Variants in SLC26A7 observed in about 807,000 individuals in gnomAD.
SLC26A7 encodes the protein solute carrier family 26 member 7, also known as anion exchange transporter.
In SLC26A7, 59 loss-of-function variants were observed where a neutral mutation model predicts 82.5. That is an observed-to-expected ratio of 0.72 (90% CI 0.58 to 0.89). The LOEUF is 0.89. Among genes scored for constraint, SLC26A7 ranks in the 40% least tolerant of loss-of-function variants. The pLI, the probability that SLC26A7 is intolerant of heterozygous loss-of-function variation, is 0.00. For missense variants in SLC26A7, 820 were observed against 793.0 expected (o/e 1.03, Z -0.41); for synonymous variants, 271 against 274.3 (o/e 0.99, Z 0.12).
chr8:91,334,480 A>G lies in SLC26A7; in HGVS notation c.795+33A>G, dbSNP rs933392469. 6.3e-6 allele frequency: 10 copies of G among 1,584,936 alleles called. No individual in the cohort carries two copies. The Middle Eastern group carries it at 8.1e-4, about 129-fold the overall frequency. On this transcript the variant is annotated intron_variant, in intron 6 of 18. Coordinates refer to ENST00000276609, the MANE Select transcript of SLC26A7 (RefSeq NM_052832.4). ...TAAAATCAACATTTAGCTTTTTGCCATGCAAAGCTTTCCAGTTCTTGGGGA... is the reference window on the plus strand; with the variant it reads ...TAAAATCAACATTTAGCTTTTTGCCGTGCAAAGCTTTCCAGTTCTTGGGGA...
chr8:91,243,824 G>A (rs1810506313), intron 2 of SLC26A7, among the ~76,000 whole-genome samples: 2 of 152,056 alleles, frequency 1.3e-5, no homozygotes, highest in Admixed American at 1.3e-4. Context: ...AGTGTAAATG[G>A]TCTAAATAAA....
chr8:91,288,036 TG>T (rs1273245505), intron 2 of SLC26A7, among the ~76,000 whole-genome samples: 43 of 152,354 alleles, frequency 2.8e-4, no homozygotes, highest in African/African-American at 9.9e-4. Context: ...TAACTTTTCA[TG>T]TATTTTAAAT....
chr8:91,240,601 T>C (rs1226500860), intron 2 of SLC26A7, among the ~76,000 whole-genome samples: 1 of 152,204 alleles, frequency 6.6e-6, no homozygotes, highest in African/African-American at 2.4e-5. Flanking sequence ...TGAGTTATAC[T>C]TGGGCATTCA....
At chr8:91,331,635 A>G (rs2130826535) in intron 5 of SLC26A7, among the ~76,000 whole-genome samples, 1 of 152,274 alleles carries the variant, frequency 6.6e-6, no homozygotes, top group East Asian at 1.9e-4. Flanking sequence ...AAAATGTACA[A>G]TGTGATGTTT....
intron 14 of SLC26A7, among the ~76,000 whole-genome samples, chr8:91,367,151 G>T (rs539042965): frequency 4.4e-4 from 67 of 152,114 alleles, no homozygotes; most frequent in African/African-American, 1.5e-3. Context: ...GGGACCACAG[G>T]TACCCGCCAC....
intron 11 of SLC26A7, among the ~76,000 whole-genome samples, chr8:91,354,089 A>G (rs1385010759): frequency 1.3e-5 from 2 of 152,134 alleles, no homozygotes; most frequent in African/African-American, 4.8e-5. Flanking sequence ...ACAAAAGGCC[A>G]AAATTAACCA....
At position 91,377,981 on chromosome 8, in the gene SLC26A7, C is replaced by T. The variant is rs151125810; in HGVS notation, c.1675+8148C>T. 1.4e-3 allele frequency among the ~76,000 whole-genome samples: 206 copies of T among 152,174 alleles called. 2 individuals are homozygous for T. The highest frequency in any genetic ancestry group is 4.6e-3 in the African/African-American group (193 of 41,526). The stretch of plus-strand genomic sequence containing the variant: ...TCCTAGTTAGCCATCTTGAAAAAAA[C>T]GAATTACAAATATTTTTAGAAAGCA... On this transcript the variant is annotated intron_variant, in intron 15 of 18. Transcript: ENST00000276609.
chr8:91,279,127 A>ATATATATATATATATATATATG (rs1563656837), intron 2 of SLC26A7, among the ~76,000 whole-genome samples: 7 of 12,078 alleles, frequency 5.8e-4, no homozygotes, highest in African/African-American at 1.3e-3. Flanking sequence ...GTGTGTGTGT[A>ATATATATATATATATATATATG]TATATATATA....
intron 2 of SLC26A7, among the ~76,000 whole-genome samples, chr8:91,278,031 C>A (rs1271605894): frequency 1.3e-5 from 2 of 152,076 alleles, no homozygotes; most frequent in African/African-American, 4.8e-5. Context: ...TGGGACCATG[C>A]CCCCTGCAAA....
chr8:91,297,366 T>A (rs1326674694), intron 4 of SLC26A7, among the ~76,000 whole-genome samples: 1 of 151,924 alleles, frequency 6.6e-6, no homozygotes, highest in African/African-American at 2.4e-5. Context: ...GGATTATGAC[T>A]TAAAATGATA....
In SLC26A7 at chr8:91,353,845, TGA is replaced by T. The variant is rs1223761086; in HGVS notation, c.1314+850_1314+851del. Among the ~76,000 whole-genome samples the T allele has an allele frequency of 1.2e-4, 18 of 152,050 alleles. No individual in the cohort carries two copies. The East Asian group carries it at 3.5e-3, about 29-fold the overall frequency. On this transcript the variant is annotated intron_variant, in intron 11 of 18. Coordinates refer to ENST00000276609, the MANE Select transcript of SLC26A7 (RefSeq NM_052832.4). ...CTGGGCACCATGAGGAATGTGCAGA[TGA>T]AAAAAGAACTATCCAGTCTCTCTAG...
chr8:91,301,441 T>C (rs561476855), intron 4 of SLC26A7, among the ~76,000 whole-genome samples: 5 of 152,270 alleles, frequency 3.3e-5, no homozygotes, highest in African/African-American at 1.2e-4. Flanking sequence ...ACAACCAGAA[T>C]TGGAAATCTT....
At chr8:91,221,461 G>A (rs1810159126) in intron 2 of SLC26A7, among the ~76,000 whole-genome samples, 1 of 152,172 alleles carries the variant, frequency 6.6e-6, no homozygotes, top group Admixed American at 6.5e-5. Flanking sequence ...CCTATGTCCT[G>A]AATAGTATTG....
chr8:91,263,482 A>T (rs1811024428), intron 2 of SLC26A7, among the ~76,000 whole-genome samples: 1 of 152,104 alleles, frequency 6.6e-6, no homozygotes, highest in African/African-American at 2.4e-5. Context: ...TTCTCCCTTT[A>T]CTATGGCATT....
chr8:91,267,464 T>C (rs188309163), intron 2 of SLC26A7, among the ~76,000 whole-genome samples: 1 of 152,078 alleles, frequency 6.6e-6, no homozygotes, highest in African/African-American at 2.4e-5. Context: ...TCAGGTTTTC[T>C]ATTTCTTCAT....
chr8:91,366,782 T>C, intron 14 of SLC26A7, 65 bp downstream of exon 14: 1 of 1,520,894 alleles, frequency 6.6e-7, no homozygotes, highest in Non-Finnish European at 8.9e-7. Context: ...CAATAAAACA[T>C]GTATCAAGTA....
At chr8:91,335,056 G>A (rs779571269) in intron 6 of SLC26A7, among the ~76,000 whole-genome samples, 11 of 151,994 alleles carry the variant, frequency 7.2e-5, no homozygotes, top group Non-Finnish European at 1.6e-4. Context: ...CCTCTAATAG[G>A]AACTCTTAAC....
chr8:91,233,816 A>C lies in SLC26A7; in HGVS notation c.-34+14811A>C, dbSNP rs1043844062. Reference sequence around the variant, plus strand: ...TCCAGAAAGCCAGAATTGCTACAACAATCTTTTGAATTTCCTTGTTGCTAT... The same window carrying C: ...TCCAGAAAGCCAGAATTGCTACAACCATCTTTTGAATTTCCTTGTTGCTAT... On this transcript the variant is annotated intron_variant, in intron 2 of 5. Coordinates refer to the SLC26A7 transcript ENST00000522862. Among the ~76,000 whole-genome samples the C allele has an allele frequency of 2.0e-5, 3 of 152,148 alleles. No individual in the cohort carries two copies. The South Asian group carries it at 6.2e-4, about 32-fold the overall frequency.
intron 2 of SLC26A7, among the ~76,000 whole-genome samples, chr8:91,287,719 T>C (rs1445227245): frequency 1.3e-5 from 2 of 152,240 alleles, no homozygotes; most frequent in African/African-American, 4.8e-5. Context: ...AGTTGTTTTC[T>C]AGCTTTTCAT....
Sources: allele counts gnomAD v4.1 joint callset (sites outside exome capture counted in the v4.1 genomes callset), GRCh38; gene constraint gnomAD v4.1.1; transcripts MANE v1.5; gene names NCBI Gene and HGNC (gene_info 2026-07-23, HGNC 2026-07-21).